Variants in KHDRBS2 observed in about 807,000 individuals in gnomAD.
KHDRBS2 encodes KH domain-containing, RNA-binding, signal transduction-associated protein 2.
A neutral mutation model predicts 44.3 loss-of-function variants in KHDRBS2; 26 were observed. The observed-to-expected ratio is 0.59, with a 90% CI of 0.43 to 0.81. The LOEUF (loss-of-function observed/expected upper bound fraction) is 0.81. KHDRBS2 is among the 40% of genes least tolerant of loss of function. The pLI is 0.00. For synonymous variants in KHDRBS2, 194 were observed against 151.1 expected, an observed-to-expected ratio of 1.28 and a Z score of -2.08; for missense variants, 476 against 433.1, an observed-to-expected ratio of 1.10 and a Z score of -0.88.
intron 4 of KHDRBS2, among the ~76,000 whole-genome samples, chr6:61,971,290 C>T (rs1386440599): frequency 6.6e-6 from 1 of 152,056 alleles, no homozygotes; most frequent in East Asian, 1.9e-4. Context: ...AATAGGGATT[C>T]TCTGAAGTTT....
intron 6 of KHDRBS2, among the ~76,000 whole-genome samples, chr6:61,777,278 T>TAA (rs1408095639): frequency 6.6e-6 from 1 of 152,062 alleles, no homozygotes; most frequent in Admixed American, 6.6e-5. Flanking sequence ...CCCCAAAACT[T>TAA]AAAGTATAAT....
At chr6:61,620,812 C>A in the KHDRBS2 span, among the ~76,000 whole-genome samples, 2 of 152,156 alleles carry the variant, frequency 1.3e-5, no homozygotes, top group African/African-American at 2.4e-5. Context: ...TGCTGATTGG[C>A]AATCTTTGCT....
At chr6:61,856,479 T>A (rs1424118901) in intron 6 of KHDRBS2, among the ~76,000 whole-genome samples, 1 of 152,086 alleles carries the variant, frequency 6.6e-6, no homozygotes, top group East Asian at 1.9e-4. Context: ...TGTCTCCTGT[T>A]TTTACTTTAC....
At chr6:61,913,562 G>A (rs9453510) in intron 4 of KHDRBS2, among the ~76,000 whole-genome samples, 24,438 of 151,306 alleles carry the variant, frequency 0.16, 2,541 homozygotes, top group East Asian at 0.29. Context: ...TTATATATAC[G>A]TTCTAGGTGA....
chr6:62,209,656 G>T (rs1343520981), intron 1 of KHDRBS2, among the ~76,000 whole-genome samples: 3 of 152,144 alleles, frequency 2.0e-5, no homozygotes, highest in African/African-American at 7.2e-5. Context: ...GATTACATTT[G>T]AATCAGTGGA....
rs532933775 is a variant in KHDRBS2, at chr6:61,790,647, T to G, written c.811-57883A>C. Among the ~76,000 whole-genome samples, 24 of 151,686 alleles carry G rather than the reference T, an allele frequency of 1.6e-4. No individual in the cohort carries two copies. In the South Asian group the frequency reaches 3.1e-3, roughly 20 times the overall value. On this transcript the variant is annotated intron_variant, in intron 6 of 8. Transcript: ENST00000281156. ...ATAAATCTAACTTTTACATGATATATTTTCTTTTTAAAATTATTGTTATTC... is the reference window on the plus strand; with the variant it reads ...ATAAATCTAACTTTTACATGATATAGTTTCTTTTTAAAATTATTGTTATTC...
chr6:61,851,253 A>T (rs1795364538), intron 6 of KHDRBS2, among the ~76,000 whole-genome samples: 1 of 124,738 alleles, frequency 8.0e-6, no homozygotes, highest in East Asian at 2.3e-4. Flanking sequence ...ACGTGTGTGT[A>T]TATAGGTGTA....
chr6:61,790,487 A>G (rs1229745801), intron 6 of KHDRBS2, among the ~76,000 whole-genome samples: 3 of 151,294 alleles, frequency 2.0e-5, no homozygotes, highest in African/African-American at 7.3e-5. Context: ...ATTCAACTTA[A>G]CAAGCTCTTT....
At chr6:61,711,403 A>G (rs1357674563) in intron 7 of KHDRBS2, among the ~76,000 whole-genome samples, 1 of 151,900 alleles carries the variant, frequency 6.6e-6, no homozygotes, top group African/African-American at 2.4e-5. Context: ...GTTCAAAACC[A>G]GCAATAAGAA....
chr6:62,273,828 C>T (rs1453770376), intron 1 of KHDRBS2, among the ~76,000 whole-genome samples: 2 of 152,190 alleles, frequency 1.3e-5, no homozygotes, highest in Admixed American at 6.6e-5. Context: ...ATCTCAGTAA[C>T]TGACACTGTC....
At chr6:61,828,749 G>C (rs1791325560) in intron 6 of KHDRBS2, among the ~76,000 whole-genome samples, 2 of 152,122 alleles carry the variant, frequency 1.3e-5, no homozygotes, top group Non-Finnish European at 2.9e-5. Flanking sequence ...TTTGTCACAA[G>C]ATTTTACACT....
chr6:62,017,170 G>C (rs964426085), intron 3 of KHDRBS2, among the ~76,000 whole-genome samples: 1 of 151,992 alleles, frequency 6.6e-6, no homozygotes, highest in Non-Finnish European at 1.5e-5. Flanking sequence ...CAGATTGATG[G>C]ACCACACCTA....
At chr6:61,954,292 T>A (rs1765447062) in intron 4 of KHDRBS2, among the ~76,000 whole-genome samples, 1 of 151,310 alleles carries the variant, frequency 6.6e-6, no homozygotes, top group Non-Finnish European at 1.5e-5. Context: ...TGTGTCTACA[T>A]ATACACATAT....
chr6:61,970,021 G>T (rs2127398624), intron 4 of KHDRBS2, among the ~76,000 whole-genome samples: 1 of 152,090 alleles, frequency 6.6e-6, no homozygotes, highest in East Asian at 1.9e-4. Flanking sequence ...GAAAGGGAAT[G>T]AAAGACATCT....
chr6:61,558,838 T>C, the KHDRBS2 span, among the ~76,000 whole-genome samples: 1 of 152,318 alleles, frequency 6.6e-6, no homozygotes, highest in South Asian at 2.1e-4. Flanking sequence ...GGGCCTAACA[T>C]ATGGTCTATC....
At chr6:61,696,484 C>A (rs1767921455) in intron 8 of KHDRBS2, among the ~76,000 whole-genome samples, 1 of 151,900 alleles carries the variant, frequency 6.6e-6, no homozygotes, top group African/African-American at 2.4e-5. Flanking sequence ...GTCTCACTCT[C>A]CTGATCTCGT....
chr6:62,272,390 G>A lies in KHDRBS2; in HGVS notation c.91+13468C>T, dbSNP rs529120815. 5.9e-5 allele frequency among the ~76,000 whole-genome samples: 9 copies of A among 152,276 alleles called. No individual in the cohort carries two copies. In the South Asian group the frequency reaches 1.9e-3, roughly 32 times the overall value. ...TTTTTCTTAGGTCCAACACAGTCATGATTTCCTCCAATACTGAAACAGACC... is the reference window on the plus strand; with the variant it reads ...TTTTTCTTAGGTCCAACACAGTCATAATTTCCTCCAATACTGAAACAGACC... On this transcript the variant is annotated intron_variant, in intron 1 of 8. Transcript: ENST00000281156.
chr6:61,567,656 A>C, the KHDRBS2 span, among the ~76,000 whole-genome samples: 25,991 of 151,700 alleles, frequency 0.17, 2,461 homozygotes, highest in East Asian at 0.29. Context: ...AAAACAAACA[A>C]ACAAAAAAAA....
chr6:61,718,205 G>A (rs1237750993), intron 7 of KHDRBS2, among the ~76,000 whole-genome samples: 1 of 151,986 alleles, frequency 6.6e-6, no homozygotes, highest in Non-Finnish European at 1.5e-5. Context: ...AAAAAGCAGT[G>A]GCTCCCATCC....
Sources: allele counts gnomAD v4.1 joint callset (sites outside exome capture counted in the v4.1 genomes callset), GRCh38; gene constraint gnomAD v4.1.1; transcripts MANE v1.5; gene names NCBI Gene and HGNC (gene_info 2026-07-23, HGNC 2026-07-21).